The following SPOCK2 variants were observed in gnomAD, a reference collection of about 807,000 sequenced individuals.
The protein encoded by SPOCK2 is SPARC (osteonectin), cwcv and kazal like domains proteoglycan 2, also known as testican-2.
In SPOCK2, 39 loss-of-function variants were observed where a neutral mutation model predicts 60.1. The ratio of observed to expected loss-of-function variants is 0.65; its 90% CI spans 0.50 to 0.85. The LOEUF is 0.85. SPOCK2 is among the 40% of genes least tolerant of loss of function. The probability of loss-of-function intolerance (pLI) is 0.00; values close to 1 mark genes in which losing one functional copy is unlikely to be tolerated. For missense variants in SPOCK2, 523 were observed against 567.4 expected (o/e 0.92, Z 0.80); for synonymous variants, 217 against 231.5 (o/e 0.94, Z 0.57).
Position 72,067,031 on chromosome 10 carries a change from G to C in SPOCK2, c.799C>G (p.Gln267Glu). ...AGGTTGATGGCGGCCAGCTCCGTCT[G>C]GTCCAGGAAGAGGTCAGCACTGGTG... is the stretch of plus-strand genomic sequence containing the variant. ...LDTSADLFLD[Q>E]TELAAINLDK... Residue 267 changes from glutamine (Q) to glutamate (E), a missense_variant, in exon 8 of 11, where the codon CAG (glutamine) becomes GAG (glutamate). Transcript: ENST00000373109. 6.2e-7 allele frequency: 1 copy of C among 1,614,232 alleles called. No homozygotes were observed. Among genetic ancestry groups the C allele is most frequent in the Non-Finnish European group, 8.5e-7 (1 of 1,180,056 alleles).
In SPOCK2 at chr10:72,060,400, G is replaced by A. The variant is rs942544690; in HGVS notation, c.*2360C>T. 1 of 152,214 alleles carries A rather than the reference G, an allele frequency of 6.6e-6. No homozygotes were observed. Among genetic ancestry groups the A allele is most frequent in the Non-Finnish European group, 1.5e-5 (1 of 68,086 alleles). 9.4% of individuals were successfully genotyped at this position (152,214 alleles called of 1,614,324 possible). On this transcript the variant is annotated 3_prime_UTR_variant, in exon 11 of 11. Transcript: ENST00000373109. ...GAAGACCCAGAGACAGAGAGAGCAC[G>A]TGTCCCAGGAGCGGAGGGTGACATC...
At chr10:72,082,674 T>G (rs1166035801) in intron 1 of SPOCK2, among the ~76,000 whole-genome samples, 1 of 151,472 alleles carries the variant, frequency 6.6e-6, no homozygotes. Flanking sequence ...GGCAACATGG[T>G]GAAACCCCCT....
At chr10:72,086,076 A>C in intron 1 of SPOCK2, 1 of 632,762 alleles carries the variant, frequency 1.6e-6, no homozygotes, top group East Asian at 1.4e-4. Context: ...TCTTTGTCCT[A>C]CTTCTCTCCC....
chr10:72,060,716 G>T lies in SPOCK2; in HGVS notation c.*2044C>A. On this transcript the variant is annotated 3_prime_UTR_variant, in exon 11 of 11. Transcript: ENST00000373109. ...CAGAGAGAGGACAGGAGAAAGAGGG[G>T]ACTGGGGGACCTGGAACGACGCGAC... is the stretch of plus-strand genomic sequence containing the variant. 1 of 153,054 alleles carries T rather than the reference G, an allele frequency of 6.5e-6. No individual in the cohort carries two copies. 9.5% of individuals were successfully genotyped at this position (153,054 alleles called of 1,614,324 possible). A position where few individuals can be genotyped will look rare whatever the true frequency, so the allele number is the denominator to read the frequency against.
At chr10:72,074,162 C>A (rs753440620) in intron 1 of SPOCK2, among the ~76,000 whole-genome samples, 2 of 152,114 alleles carry the variant, frequency 1.3e-5, no homozygotes, top group Non-Finnish European at 2.9e-5. Flanking sequence ...CCAAACGGCA[C>A]CCACATGCGT....
chr10:72,068,153 CA>C, intron 6 of SPOCK2, 33 bp downstream of exon 6: 4 of 1,584,646 alleles, frequency 2.5e-6, no homozygotes, highest in Non-Finnish European at 3.4e-6. Context: ...GGCCCTTCAG[CA>C]CCCCTAGCCT....
chr10:72,088,227 G>A lies in SPOCK2; in HGVS notation c.102C>T (p.Thr34=). Residue 34 remains threonine (T), a synonymous_variant, in exon 1 of 11, where the codon ACC becomes ACT. Transcript: ENST00000373109. ...GCTCGTCCTCCATGAAATTGCCGGG[G>A]GTCTCGCCCTCCTTGAGCCCCTTGG... The part of the protein sequence containing the change: ...GDAKGLKEGE[T]PGNFMEDEQW... 1 of 1,612,470 alleles carries A rather than the reference G, an allele frequency of 6.2e-7. No individual in the cohort carries two copies. Among genetic ancestry groups the A allele is most frequent in the African/African-American group, 1.3e-5 (1 of 75,000 alleles).
rs1564548188 is a variant in SPOCK2 at position 72,072,516 on chromosome 10, C to A, written c.231G>T (p.Gln77His). The change falls in exon 3 of 11, where the codon CAG (glutamine) becomes CAT (histidine). Residue 77 changes from glutamine (Q) to histidine (H), a missense_variant. Coordinates refer to ENST00000373109, the MANE Select transcript of SPOCK2 (RefSeq NM_001244950.2). ...DDYIKSWEDN[Q>H]QGDEALDTTK... ...GAGTCATGTTACCTTCATCTCCTTG[C>A]TGATTGTCCTCCCAGCTCTTGATAT... is the stretch of plus-strand genomic sequence containing the variant. 1 of 1,614,036 alleles carries A rather than the reference C, an allele frequency of 6.2e-7. No individual in the cohort carries two copies. Among genetic ancestry groups the A allele is most frequent in the East Asian group, 2.2e-5 (1 of 44,886 alleles).
intron 1 of SPOCK2, among the ~76,000 whole-genome samples, chr10:72,082,436 C>T (rs1197619964): frequency 2.0e-5 from 3 of 152,202 alleles, no homozygotes; most frequent in Admixed American, 6.5e-5. Context: ...CTGTGTCCCC[C>T]CCAGACCCAT....
chr10:72,064,221 C>G lies in SPOCK2; in HGVS notation c.948G>C (p.Glu316Asp). ...CCTCCTGGATCTGGATGCGCTCCAG[C>G]TCTGCCAGGCAGGGGGGCTCTGTGG... Reference protein sequence around the residue: ...FWREKPPCLAELERIQIQEAA... With the variant: ...FWREKPPCLADLERIQIQEAA... The change falls in exon 9 of 11, where the codon GAG becomes GAC. Residue 316 changes from glutamate (E) to aspartate (D), a missense_variant. Glu to Asp is a conservative substitution (Grantham distance 45, BLOSUM62 2). Coordinates refer to ENST00000373109, the MANE Select transcript of SPOCK2 (RefSeq NM_001244950.2). The G allele has an allele frequency of 1.2e-6, 2 of 1,606,488 alleles. No homozygotes were observed. The highest frequency in any genetic ancestry group is 1.7e-6 in the Non-Finnish European group (2 of 1,177,350).
At chr10:72,072,709 C>T in intron 2 of SPOCK2, 161 bp from the exon 3 acceptor site, 1 of 1,327,044 alleles carries the variant, frequency 7.5e-7, no homozygotes, top group Non-Finnish European at 1.1e-6. Context: ...CCAGCTGCCT[C>T]CCCCACACCT....
At position 72,072,557 on chromosome 10, in the gene SPOCK2, C is replaced by G; in HGVS notation, c.199-9G>C. The G allele has an allele frequency of 6.2e-7, 1 of 1,613,868 alleles. No individual in the cohort carries two copies. Among genetic ancestry groups the G allele is most frequent in the Non-Finnish European group, 8.5e-7 (1 of 1,180,008 alleles). ...CTCTTGATATAGTCATCCTAGAGGACAGAGAGGGACAAGGGAGAAGGGAAA... is the reference window on the plus strand; with the variant it reads ...CTCTTGATATAGTCATCCTAGAGGAGAGAGAGGGACAAGGGAGAAGGGAAA... On this transcript the variant is annotated splice_polypyrimidine_tract_variant and intron_variant, in intron 2 of 10. Transcript: ENST00000373109.
chr10:72,072,375 G>T, intron 3 of SPOCK2, 117 bp from the exon 4 acceptor site: 1 of 1,494,588 alleles, frequency 6.7e-7, no homozygotes, highest in Non-Finnish European at 9.1e-7. Flanking sequence ...GAGCTCCTGA[G>T]CTCAGGAGTC....
At chr10:72,065,428 C>T (rs1054512240) in intron 8 of SPOCK2, among the ~76,000 whole-genome samples, 3 of 152,186 alleles carry the variant, frequency 2.0e-5, no homozygotes, top group African/African-American at 7.2e-5. Flanking sequence ...AGGTTGTAAC[C>T]TGGGAGCAAT....
At position 72,072,037 on chromosome 10, in the gene SPOCK2, A is replaced by T. The variant is rs1840653470; in HGVS notation, c.359+107T>A. On this transcript the variant is annotated intron_variant, in intron 4 of 10. Coordinates refer to ENST00000373109, the MANE Select transcript of SPOCK2 (RefSeq NM_001244950.2). ...TGCTGTTTTAAGCACTAAGTTTTAC[A>T]ATTTATTTAACAGCAGTAGATGGCT... 3.4e-6 allele frequency: 3 copies of T among 887,322 alleles called. No homozygotes were observed. In the South Asian group the frequency reaches 7.3e-5, roughly 22 times the overall value. 55.0% of individuals were successfully genotyped at this position (887,322 alleles called of 1,614,324 possible).
At chr10:72,067,167 G>T (rs769432014) in intron 7 of SPOCK2, 47 bp from the exon 8 acceptor site, 2 of 1,549,752 alleles carry the variant, frequency 1.3e-6, no homozygotes, top group Non-Finnish European at 1.8e-6. Context: ...CTATTCAGCC[G>T]TTTCTCCAGC....
At chr10:72,078,298 G>A (rs947388040) in intron 1 of SPOCK2, among the ~76,000 whole-genome samples, 4 of 152,062 alleles carry the variant, frequency 2.6e-5, no homozygotes, top group African/African-American at 7.2e-5. Flanking sequence ...GGCGGATCAC[G>A]AGGTCAGGAG....
rs377029815 is a variant in SPOCK2 at position 72,072,472 on chromosome 10, T to G, written c.244+31A>C. ...GGTCTCAAGTCTTCACACGTGTCAG[T>G]CACCTTCCCCCGCCGGGAGAGTCAT... On this transcript the variant is annotated intron_variant, in intron 3 of 10. Transcript: ENST00000373109. 1.2e-5 allele frequency: 19 copies of G among 1,613,534 alleles called. No individual in the cohort carries two copies. The African/African-American group carries it at 2.4e-4, about 20-fold the overall frequency.
At chr10:72,070,813 T>A (rs1840637579) in intron 4 of SPOCK2, among the ~76,000 whole-genome samples, 1 of 152,046 alleles carries the variant, frequency 6.6e-6, no homozygotes, top group Non-Finnish European at 1.5e-5. Flanking sequence ...TTTTTTTTTT[T>A]AATTGAGTTA....
Sources: gnomAD v4.1 joint callset for allele counts (sites outside exome capture counted in the v4.1 genomes callset) on GRCh38, gnomAD v4.1.1 for gene constraint, MANE v1.5 for transcripts, NCBI Gene and HGNC (gene_info 2026-07-23, HGNC 2026-07-21) for gene names.